KIAA1217: variants seen among roughly 807,000 people sequenced by gnomAD.
The protein encoded by KIAA1217 is KIAA1217.
A neutral mutation model predicts 163.9 loss-of-function variants in KIAA1217; 88 were observed. That is an observed-to-expected ratio of 0.54 (90% CI 0.45 to 0.64). The LOEUF is 0.64. Ranked by LOEUF, KIAA1217 falls within the 30% of genes least tolerant of loss-of-function variation. The pLI is 0.00. For missense variants in KIAA1217, 2,372 were observed against 2,475.0 expected (o/e 0.96, Z 0.88); for synonymous variants, 903 against 923.1 (o/e 0.98, Z 0.39).
intron 2 of KIAA1217, among the ~76,000 whole-genome samples, chr10:24,359,100 GT>G (rs1374564810): frequency 1.8e-5 from 1 of 55,828 alleles, no homozygotes; most frequent in Admixed American, 1.9e-4. Context: ...TTTTTTTTTT[GT>G]TTTTTTGAGA....
chr10:24,466,385 C>T (rs1173390798), intron 5 of KIAA1217: 2 of 236,238 alleles, frequency 8.5e-6, no homozygotes, highest in Admixed American at 1.3e-4. Context: ...AAAGTTCCTT[C>T]ATTGGTGTTT....
chr10:24,307,226 A>G (rs1385214897), intron 2 of KIAA1217, among the ~76,000 whole-genome samples: 1 of 152,184 alleles, frequency 6.6e-6, no homozygotes, highest in African/African-American at 2.4e-5. Context: ...ACTTGCGAAT[A>G]TGATTTCTCC....
In KIAA1217 at chr10:24,501,460, C is replaced by T. The variant is rs528619973; in HGVS notation, c.1916C>T (p.Thr639Ile). ...CCCAGCCAGCCTCCACCTGTGGGCA[C>T]CTCAGCCATCCACATGAGCCTGCTT... ...VPPSQPPPVGTSAIHMSLLEM... is the reference protein window; with the variant it reads ...VPPSQPPPVGISAIHMSLLEM... Residue 639 changes from threonine to isoleucine, a missense_variant, in exon 9 of 21, where the codon ACC becomes ATC. This residue lies in a region of KIAA1217 where 1,431 missense variants were observed against 1,470.3 expected (regional missense o/e 0.97). Coordinates refer to ENST00000376454, the MANE Select transcript of KIAA1217 (RefSeq NM_019590.5). The T allele has an allele frequency of 1.1e-4, 172 of 1,614,102 alleles. 1 individual carries two copies. The East Asian group carries it at 3.7e-3, about 35-fold the overall frequency.
chr10:24,543,683 A>C lies in KIAA1217; in HGVS notation c.4413A>C (p.Leu1471Phe), dbSNP rs760029523. 1.6e-5 allele frequency: 26 copies of C among 1,613,774 alleles called. No homozygotes were observed. The highest frequency in any genetic ancestry group is 2.0e-5 in the Non-Finnish European group (24 of 1,179,782). Residue 1471 changes from leucine to phenylalanine, a missense_variant, in exon 19 of 21, where the codon TTA becomes TTC. Coordinates refer to ENST00000376454, the MANE Select transcript of KIAA1217 (RefSeq NM_019590.5). The stretch of plus-strand genomic sequence containing the variant: ...TCTTTGAGGAATGTGATGAGGAATT[A>C]GAGAGAATGATGATGGAGGAAAAGA... ...STIFEECDEELERMMMEEKIE... is the reference protein window; with the variant it reads ...STIFEECDEEFERMMMEEKIE...
intron 2 of KIAA1217, among the ~76,000 whole-genome samples, chr10:24,306,252 T>C (rs1416576132): frequency 6.6e-6 from 1 of 152,216 alleles, no homozygotes; most frequent in African/African-American, 2.4e-5. Flanking sequence ...TCAGTCATCA[T>C]AGAAGATGAC....
intron 2 of KIAA1217, among the ~76,000 whole-genome samples, chr10:24,337,696 T>C (rs2133749229): frequency 6.8e-6 from 1 of 147,936 alleles, no homozygotes; most frequent in Admixed American, 6.9e-5. Context: ...CAGGCTGGAG[T>C]ACAGTGGCGC....
rs575709474 is a variant in KIAA1217 at position 24,546,642 on chromosome 10, T to G, written c.*318T>G. On this transcript the variant is annotated 3_prime_UTR_variant, in exon 21 of 21. Transcript: ENST00000376454. ...AGAATTGTCTTAAGCATATAAAACA[T>G]GTATGATTCCAGAATTTTAGTATGT... 10 of 228,722 alleles carry G rather than the reference T, an allele frequency of 4.4e-5. No individual in the cohort carries two copies. The highest frequency in any genetic ancestry group is 6.0e-5 in the Non-Finnish European group (7 of 117,388). The allele number at this position is 228,722 out of a possible 1,614,324, so 14.2% of individuals were successfully genotyped here.
intron 2 of KIAA1217, among the ~76,000 whole-genome samples, chr10:24,341,081 A>T (rs575242716): frequency 6.6e-6 from 1 of 152,230 alleles, no homozygotes; most frequent in Non-Finnish European, 1.5e-5. Flanking sequence ...TGCCAAGTCC[A>T]TATGGATTAG....
chr10:24,461,359 G>C (rs1358858452), intron 5 of KIAA1217, among the ~76,000 whole-genome samples: 1 of 151,698 alleles, frequency 6.6e-6, no homozygotes, highest in Non-Finnish European at 1.5e-5. Flanking sequence ...GTTTTGTTTT[G>C]TTTTGGTGGT....
chr10:24,099,655 A>T (rs1221463673), intron 2 of KIAA1217, among the ~76,000 whole-genome samples: 1 of 149,216 alleles, frequency 6.7e-6, no homozygotes, highest in Non-Finnish European at 1.5e-5. Context: ...TTTGTTACAT[A>T]TGTATACATG....
chr10:24,285,643 A>G (rs576075041), intron 2 of KIAA1217, among the ~76,000 whole-genome samples: 64 of 152,174 alleles, frequency 4.2e-4, no homozygotes, highest in African/African-American at 1.5e-3. Context: ...GTCAGGTAAT[A>G]TGTTTGTTCT....
At chr10:24,311,348 G>T (rs1393563506) in intron 2 of KIAA1217, among the ~76,000 whole-genome samples, 2 of 152,174 alleles carry the variant, frequency 1.3e-5, no homozygotes, top group Non-Finnish European at 2.9e-5. Flanking sequence ...TGTCTTGAGG[G>T]TGGTGAACGG....
At position 24,099,653 on chromosome 10, in the gene KIAA1217, A is replaced by C. The variant is rs976621877; in HGVS notation, c.-171+92279A>C. On this transcript the variant is annotated intron_variant, in intron 2 of 18. Transcript: ENST00000376462. ...TGTGCACAATGTGCAGGTTTGTTAC[A>C]TATGTATACATGTGCCATGTTGGTG... Among the ~76,000 whole-genome samples the C allele has an allele frequency of 1.9e-4, 29 of 149,070 alleles. No individual in the cohort carries two copies. In the Middle Eastern group the frequency reaches 0.022, roughly 112 times the overall value.
At chr10:24,247,534 C>A (rs369016473) in intron 2 of KIAA1217, among the ~76,000 whole-genome samples, 1 of 152,180 alleles carries the variant, frequency 6.6e-6, no homozygotes, top group Non-Finnish European at 1.5e-5. Context: ...TGGTGGCTCA[C>A]GCTTGTAATC....
rs1370613553 is a variant in KIAA1217 at position 24,008,204 on chromosome 10, AGATT to A, written c.-171+831_-171+834del. ...TAGATAGATAGATAGATAGATAGAT[AGATT>A]ATTTATCTTGTCTCAATACCGTCTT... is the stretch of plus-strand genomic sequence containing the variant. On this transcript the variant is annotated intron_variant, in intron 2 of 18. Transcript: ENST00000376462. Among the ~76,000 whole-genome samples the A allele has an allele frequency of 1.4e-4, 20 of 140,448 alleles. No individual in the cohort carries two copies. In the East Asian group the frequency reaches 2.2e-3, roughly 16 times the overall value. The allele number at this position is 140,448 out of a possible 152,430, so 92.1% of individuals were successfully genotyped here.
At chr10:23,734,786 T>C (rs1156959687) in intron 1 of KIAA1217, among the ~76,000 whole-genome samples, 1 of 152,162 alleles carries the variant, frequency 6.6e-6, no homozygotes, top group Admixed American at 6.5e-5. Context: ...ATAAATTTTC[T>C]GTTGAGAGAT....
chr10:24,319,087 G>A (rs2043779432), intron 2 of KIAA1217, among the ~76,000 whole-genome samples: 1 of 152,100 alleles, frequency 6.6e-6, no homozygotes, highest in African/African-American at 2.4e-5. Context: ...AGCTGAAGAA[G>A]CGCTTTGGGG....
chr10:24,083,212 G>C (rs1012822896), intron 2 of KIAA1217, among the ~76,000 whole-genome samples: 2 of 152,164 alleles, frequency 1.3e-5, no homozygotes, highest in Non-Finnish European at 2.9e-5. Flanking sequence ...ACAAGGAGGA[G>C]CTAAGGGGCC....
At chr10:24,152,067 T>C in intron 2 of KIAA1217, among the ~76,000 whole-genome samples, 1 of 152,046 alleles carries the variant, frequency 6.6e-6, no homozygotes, top group African/African-American at 2.4e-5. Context: ...CCTTCCCCGC[T>C]CCCTCCCTCC....
Sources: gnomAD v4.1 joint callset for allele counts (sites outside exome capture counted in the v4.1 genomes callset) on GRCh38, gnomAD v4.1.1 for gene constraint, gnomAD v4.1.1 regional missense constraint, MANE v1.5 for transcripts, NCBI Gene and HGNC (gene_info 2026-07-23, HGNC 2026-07-21) for gene names.